Variants in NT5C2 observed in about 807,000 individuals in gnomAD.
The protein encoded by NT5C2 is cytosolic purine 5'-nucleotidase.
A neutral mutation model predicts 76.1 loss-of-function variants in NT5C2; 58 were observed. The observed-to-expected ratio is 0.76, with a 90% CI of 0.62 to 0.95. The LOEUF (loss-of-function observed/expected upper bound fraction) is 0.95. NT5C2 is among the 40% of genes least tolerant of loss of function. NT5C2 has a pLI of 0.00. For missense variants in NT5C2, 478 were observed against 690.3 expected (o/e 0.69, Z 3.45); for synonymous variants, 229 against 237.4 (o/e 0.96, Z 0.32).
chr10:103,183,550 C>T (rs2091588706), intron 1 of NT5C2, among the ~76,000 whole-genome samples: 2 of 136,344 alleles, frequency 1.5e-5, no homozygotes, highest in East Asian at 2.1e-4. Flanking sequence ...CTCTTTCGCT[C>T]TGTCTTCCAG....
intron 3 of NT5C2, among the ~76,000 whole-genome samples, chr10:103,157,485 G>C (rs1297547323): frequency 2.6e-5 from 4 of 152,170 alleles, no homozygotes; most frequent in Non-Finnish European, 5.9e-5. Flanking sequence ...GAGTGAACAA[G>C]AAGGAACTTT....
chr10:103,164,219 T>C (rs1359025691), intron 3 of NT5C2, among the ~76,000 whole-genome samples: 2 of 152,000 alleles, frequency 1.3e-5, no homozygotes, highest in African/African-American at 2.4e-5. Flanking sequence ...CTGCACTCCA[T>C]CCTGGGCAAC....
chr10:103,119,766 A>AAAGCACAG (rs1240575075), intron 4 of NT5C2, among the ~76,000 whole-genome samples: 1 of 151,794 alleles, frequency 6.6e-6, no homozygotes, highest in Non-Finnish European at 1.5e-5. Context: ...AAGAAATGCT[A>AAAGCACAG]AAGCACAGAC....
In NT5C2 at chr10:103,137,403, T is replaced by G. The variant is rs946983961; in HGVS notation, c.175+2003A>C. 2.0e-5 allele frequency among the ~76,000 whole-genome samples: 3 copies of G among 152,152 alleles called. No individual in the cohort carries two copies. In the East Asian group the frequency reaches 5.8e-4, roughly 29 times the overall value. On this transcript the variant is annotated intron_variant, in intron 4 of 18. Transcript: ENST00000404739. ...AAAGAGTATGGAGGGAAGAGAAAAA[T>G]TCAAATCAGGAACTGTGTATATTTT... is the stretch of plus-strand genomic sequence containing the variant.
At chr10:103,129,366 C>A (rs1309728370) in intron 4 of NT5C2, among the ~76,000 whole-genome samples, 1 of 113,754 alleles carries the variant, frequency 8.8e-6, no homozygotes. Context: ...CAGCTCTCCG[C>A]CCGGCCAGCC....
intron 8 of NT5C2, 22 bp downstream of exon 8, chr10:103,101,023 A>C: frequency 7.7e-7 from 1 of 1,306,904 alleles, no homozygotes; most frequent in Non-Finnish European, 1.1e-6. Flanking sequence ...ATTGGAAAAA[A>C]ATAATTATAG....
intron 6 of NT5C2, chr10:103,105,448 T>A (rs2135243111): frequency 1.5e-6 from 1 of 659,806 alleles, no homozygotes; most frequent in Non-Finnish European, 2.3e-6. Flanking sequence ...AAAGTTCTTC[T>A]GGGCAAGTTT....
At chr10:103,114,137 C>T (rs1235617967) in intron 4 of NT5C2, among the ~76,000 whole-genome samples, 1 of 152,074 alleles carries the variant, frequency 6.6e-6, no homozygotes, top group East Asian at 1.9e-4. Flanking sequence ...CCAATTAGGC[C>T]GGCTTGGTGG....
Position 103,161,192 on chromosome 10 carries a change from T to C in NT5C2, c.101+13666A>G, listed in dbSNP as rs1415036816. The stretch of plus-strand genomic sequence containing the variant: ...GTATATCCATACAATATATTTTTTT[T>C]CTTTAGACAAGGTCTCCCTCTGTCA... On this transcript the variant is annotated intron_variant, in intron 3 of 18. Coordinates refer to ENST00000404739, the MANE Select transcript of NT5C2 (RefSeq NM_001351169.2). Among the ~76,000 whole-genome samples the C allele has an allele frequency of 2.6e-5, 4 of 152,344 alleles. No individual in the cohort carries two copies. The East Asian group carries it at 7.7e-4, about 29-fold the overall frequency.
chr10:103,192,235 T>C (rs1194794938), intron 1 of NT5C2, among the ~76,000 whole-genome samples: 1 of 152,220 alleles, frequency 6.6e-6, no homozygotes, highest in Non-Finnish European at 1.5e-5. Context: ...GGGAACCAAG[T>C]ACAGCTCAAT....
Position 103,190,150 on chromosome 10 carries a change from G to A in NT5C2, c.-169+3086C>T, listed in dbSNP as rs529196140. 1.8e-4 allele frequency among the ~76,000 whole-genome samples: 27 copies of A among 149,650 alleles called. No individual in the cohort carries two copies. In the South Asian group the frequency reaches 3.0e-3, roughly 17 times the overall value. ...CAAGTAGCTGGGATTACAGGCATGC[G>A]CTACCACGCCTGATTAATTTTTGTA... On this transcript the variant is annotated intron_variant, in intron 1 of 18. Transcript: ENST00000404739.
intron 10 of NT5C2, chr10:103,098,162 A>G: frequency 2.2e-6 from 1 of 458,700 alleles, no homozygotes; most frequent in Non-Finnish European, 4.2e-6. Flanking sequence ...ACAGTTCTAG[A>G]CTTATAGAAA....
At chr10:103,150,532 A>G (rs532481372) in intron 3 of NT5C2, among the ~76,000 whole-genome samples, 1 of 152,326 alleles carries the variant, frequency 6.6e-6, no homozygotes, top group East Asian at 1.9e-4. Context: ...TTGGGTAAAT[A>G]TCTAAAAATG....
intron 1 of NT5C2, among the ~76,000 whole-genome samples, chr10:103,191,538 G>A (rs547264714): frequency 6.6e-6 from 1 of 152,268 alleles, no homozygotes; most frequent in South Asian, 2.1e-4. Flanking sequence ...GCTTTCTTTA[G>A]GAAGATGTGA....
chr10:103,168,580 T>C (rs1368024117), intron 3 of NT5C2, among the ~76,000 whole-genome samples: 1 of 152,230 alleles, frequency 6.6e-6, no homozygotes, highest in Non-Finnish European at 1.5e-5. Flanking sequence ...GCTCAGCTTG[T>C]CTTCTAACCA....
At chr10:103,110,680 C>A (rs2135407833) in intron 4 of NT5C2, among the ~76,000 whole-genome samples, 1 of 152,312 alleles carries the variant, frequency 6.6e-6, no homozygotes, top group African/African-American at 2.4e-5. Flanking sequence ...ACTATTTCAT[C>A]AAGCTCTATT....
chr10:103,154,416 G>A (rs1410462054), intron 3 of NT5C2, among the ~76,000 whole-genome samples: 3 of 151,884 alleles, frequency 2.0e-5, no homozygotes, highest in African/African-American at 7.3e-5. Flanking sequence ...AGGGATAAAA[G>A]ACTTTAAGGT....
At chr10:103,126,424 C>T (rs1173276411) in intron 4 of NT5C2, among the ~76,000 whole-genome samples, 1 of 152,126 alleles carries the variant, frequency 6.6e-6, no homozygotes, top group Non-Finnish European at 1.5e-5. Context: ...GAGTTCGAGA[C>T]CAGCCTCGTC....
chr10:103,095,880 G>T, intron 12 of NT5C2, 59 bp downstream of exon 12: 2 of 1,458,500 alleles, frequency 1.4e-6, no homozygotes, highest in Non-Finnish European at 1.9e-6. Context: ...TAATATTCCA[G>T]AATGATTAAA....
Sources: gnomAD v4.1 joint callset for allele counts (sites outside exome capture counted in the v4.1 genomes callset) on GRCh38, gnomAD v4.1.1 for gene constraint, MANE v1.5 for transcripts, NCBI Gene and HGNC (gene_info 2026-07-23, HGNC 2026-07-21) for gene names.